Variants in ZFHX3 observed in about 807,000 individuals in gnomAD.
The protein encoded by ZFHX3 is zinc finger homeobox protein 3.
In ZFHX3, 42 loss-of-function variants were observed where a neutral mutation model predicts 279.1. The ratio of observed to expected loss-of-function variants is 0.15; its 90% CI spans 0.12 to 0.19. ZFHX3 has a LOEUF of 0.19. Ranked by LOEUF, ZFHX3 falls within the 10% of genes least tolerant of loss-of-function variation. The pLI is 1.00. For synonymous variants in ZFHX3, 2,293 were observed against 1,957.8 expected, an observed-to-expected ratio of 1.17 and a Z score of -4.52; for missense variants, 4,981 against 4,754.0, an observed-to-expected ratio of 1.05 and a Z score of -1.40.
chr16:72,877,366 T>C (rs12444200), intron 4 of ZFHX3, among the ~76,000 whole-genome samples: 1 of 146,560 alleles, frequency 6.8e-6, no homozygotes, highest in South Asian at 2.2e-4. Flanking sequence ...TTTTCTGTTG[T>C]TGTTGTTGGT....
At chr16:72,815,085 T>C (rs558433019) in intron 5 of ZFHX3, among the ~76,000 whole-genome samples, 1 of 152,292 alleles carries the variant, frequency 6.6e-6, no homozygotes, top group Non-Finnish European at 1.5e-5. Flanking sequence ...CCAAAGTCGT[T>C]ACACCATTTC....
chr16:73,749,497 G>A (rs1195039116), intron 1 of ZFHX3, among the ~76,000 whole-genome samples: 1 of 152,132 alleles, frequency 6.6e-6, no homozygotes, highest in Non-Finnish European at 1.5e-5. Flanking sequence ...TAAACAGGAA[G>A]CCTTTTGAAG....
upstream of ZFHX3, among the ~76,000 whole-genome samples, chr16:73,049,522 T>C (rs1038548118): frequency 6.6e-6 from 1 of 152,248 alleles, no homozygotes; most frequent in Non-Finnish European, 1.5e-5. Flanking sequence ...TTAATGTAAG[T>C]ATCTAACCTG....
intron 1 of ZFHX3, among the ~76,000 whole-genome samples, chr16:73,813,273 G>T (rs915920288): frequency 6.7e-6 from 1 of 149,176 alleles, no homozygotes; most frequent in Non-Finnish European, 1.5e-5. Flanking sequence ...TTAATGTTTG[G>T]ACAAGAGACA....
chr16:73,740,465 A>G (rs909418864), intron 1 of ZFHX3, among the ~76,000 whole-genome samples: 2 of 152,104 alleles, frequency 1.3e-5, no homozygotes, highest in Non-Finnish European at 2.9e-5. Flanking sequence ...GTTTTCCTCT[A>G]GCCCAGATCC....
intron 3 of ZFHX3, among the ~76,000 whole-genome samples, chr16:73,333,288 C>G (rs1046586834): frequency 6.6e-6 from 1 of 151,928 alleles, no homozygotes; most frequent in East Asian, 1.9e-4. Context: ...TAGATAGACA[C>G]GTAGTAGACA....
At chr16:72,890,184 C>T (rs903787080) in intron 3 of ZFHX3, among the ~76,000 whole-genome samples, 1 of 152,148 alleles carries the variant, frequency 6.6e-6, no homozygotes, top group African/African-American at 2.4e-5. Flanking sequence ...GGGATAGGAC[C>T]TTGTGGGAGG....
chr16:73,623,050 T>G (rs1186333831), intron 2 of ZFHX3, among the ~76,000 whole-genome samples: 1 of 151,828 alleles, frequency 6.6e-6, no homozygotes. Flanking sequence ...TTTTTTTTTT[T>G]TGTTTAGACA....
chr16:73,845,094 G>C (rs1961414640), intron 1 of ZFHX3, among the ~76,000 whole-genome samples: 1 of 152,120 alleles, frequency 6.6e-6, no homozygotes, highest in Admixed American at 6.5e-5. Flanking sequence ...CAGGAGGTTA[G>C]TTTGAATGGA....
intron 2 of ZFHX3, among the ~76,000 whole-genome samples, chr16:73,640,824 C>T (rs1415277849): frequency 1.3e-5 from 2 of 152,044 alleles, no homozygotes; most frequent in African/African-American, 2.4e-5. Context: ...GACACAAAAA[C>T]TTCAGATTAA....
intron 3 of ZFHX3, among the ~76,000 whole-genome samples, chr16:72,923,450 G>GAAAAAAAAAAAAAAAA (rs34096322): frequency 1.2e-5 from 1 of 86,096 alleles, no homozygotes; most frequent in Non-Finnish European, 2.3e-5. Context: ...TCTCAGACCA[G>GAAAAAAAAAAAAAAAA]AAAAAAAAAA....
At chr16:73,831,282 C>G (rs979005367) in intron 1 of ZFHX3, among the ~76,000 whole-genome samples, 2 of 152,178 alleles carry the variant, frequency 1.3e-5, no homozygotes, top group African/African-American at 4.8e-5. Flanking sequence ...ATTTCAGAGT[C>G]TGGTACTAAC....
At chr16:72,908,623 TC>T (rs1344044940) in intron 3 of ZFHX3, among the ~76,000 whole-genome samples, 3 of 152,148 alleles carry the variant, frequency 2.0e-5, no homozygotes, top group Non-Finnish European at 2.9e-5. Flanking sequence ...TGGGTGTCAG[TC>T]CCGCTGGTGC....
intron 1 of ZFHX3, among the ~76,000 whole-genome samples, chr16:73,684,296 G>A (rs896219464): frequency 6.6e-6 from 1 of 151,902 alleles, no homozygotes; most frequent in Non-Finnish European, 1.5e-5. Context: ...TTATTAATAT[G>A]ATTACTTTGA....
intron 4 of ZFHX3, among the ~76,000 whole-genome samples, chr16:73,264,579 T>C (rs938071922): frequency 6.6e-6 from 1 of 152,108 alleles, no homozygotes; most frequent in African/African-American, 2.4e-5. Context: ...CCGACTTTTT[T>C]TTTTTTTAGT....
intron 1 of ZFHX3, among the ~76,000 whole-genome samples, chr16:73,041,582 C>T (rs187107488): frequency 8.5e-5 from 13 of 152,216 alleles, no homozygotes; most frequent in Middle Eastern, 3.4e-3. Context: ...ATCTCAATTA[C>T]GTTATCAAAT....
intron 3 of ZFHX3, among the ~76,000 whole-genome samples, chr16:72,940,348 C>T (rs868765548): frequency 3.0e-4 from 45 of 152,282 alleles, no homozygotes; most frequent in African/African-American, 1.1e-3. Flanking sequence ...TTCAGTCTCC[C>T]AGAAGCTGCA....
chr16:73,302,972 G>T (rs534413631), intron 4 of ZFHX3, among the ~76,000 whole-genome samples: 4 of 152,210 alleles, frequency 2.6e-5, no homozygotes, highest in Middle Eastern at 3.4e-3. Flanking sequence ...AACAGAGTAT[G>T]CAAATGATTA....
intron 1 of ZFHX3, among the ~76,000 whole-genome samples, chr16:73,719,290 G>A (rs2053449960): frequency 6.6e-6 from 1 of 152,206 alleles, no homozygotes; most frequent in African/African-American, 2.4e-5. Flanking sequence ...CATATGTGAA[G>A]CAGTGAGATC....
Sources: allele counts gnomAD v4.1 joint callset (sites outside exome capture counted in the v4.1 genomes callset), GRCh38; gene constraint gnomAD v4.1.1; transcripts MANE v1.5; gene names NCBI Gene and HGNC (gene_info 2026-07-23, HGNC 2026-07-21).